The following UNC5C variants were observed in gnomAD, a reference collection of about 807,000 sequenced individuals.
UNC5C encodes the protein netrin receptor UNC5C.
A neutral mutation model predicts 99.8 loss-of-function variants in UNC5C; 47 were observed. That is an observed-to-expected ratio of 0.47 (90% CI 0.37 to 0.60). The LOEUF is 0.60. Among genes scored for constraint, UNC5C ranks in the 20% least tolerant of loss-of-function variants. The pLI, the probability that UNC5C is intolerant of heterozygous loss-of-function variation, is 0.00. For missense variants in UNC5C, 1,062 were observed against 1,165.9 expected (o/e 0.91, Z 1.30); for synonymous variants, 487 against 452.2 (o/e 1.08, Z -0.98).
intron 4 of UNC5C, among the ~76,000 whole-genome samples, chr4:95,275,241 C>A (rs1740817248): frequency 6.6e-6 from 1 of 152,138 alleles, no homozygotes; most frequent in Non-Finnish European, 1.5e-5. Flanking sequence ...ACAGAAGCTT[C>A]CCCTCTGCAT....
chr4:95,244,485 G>A (rs1463055585), intron 6 of UNC5C, among the ~76,000 whole-genome samples: 1 of 152,186 alleles, frequency 6.6e-6, no homozygotes, highest in Non-Finnish European at 1.5e-5. Context: ...ATTATCCCAA[G>A]TACCAAAAAA....
At chr4:95,400,567 A>G (rs1745660503) in intron 1 of UNC5C, among the ~76,000 whole-genome samples, 1 of 151,582 alleles carries the variant, frequency 6.6e-6, no homozygotes, top group African/African-American at 2.4e-5. Flanking sequence ...TAATTTTTGT[A>G]TTTTTAGTAG....
chr4:95,207,697 A>T (rs975251320), intron 10 of UNC5C, among the ~76,000 whole-genome samples: 1 of 152,144 alleles, frequency 6.6e-6, no homozygotes, highest in African/African-American at 2.4e-5. Flanking sequence ...GACTCACAGA[A>T]TTTTAGAAGG....
chr4:95,196,185 T>G (rs1737373924), intron 12 of UNC5C, among the ~76,000 whole-genome samples: 1 of 152,186 alleles, frequency 6.6e-6, no homozygotes. Context: ...TTGCTCTTGG[T>G]TAATTTCTGG....
chr4:95,259,295 T>C (rs1740131934), intron 4 of UNC5C, among the ~76,000 whole-genome samples: 1 of 152,180 alleles, frequency 6.6e-6, no homozygotes, highest in Non-Finnish European at 1.5e-5. Flanking sequence ...ACACCTACTG[T>C]CTGGCATACA....
chr4:95,490,257 A>T (rs1381036043), intron 1 of UNC5C, among the ~76,000 whole-genome samples: 2 of 151,714 alleles, frequency 1.3e-5, no homozygotes, highest in Non-Finnish European at 2.9e-5. Context: ...GTCCTTAGAG[A>T]AATCACTGAA....
intron 4 of UNC5C, among the ~76,000 whole-genome samples, chr4:95,257,211 T>C (rs1579273429): frequency 6.6e-6 from 1 of 152,162 alleles, no homozygotes; most frequent in South Asian, 2.1e-4. Flanking sequence ...ACAACCAGCC[T>C]GGACAACATA....
In UNC5C at chr4:95,236,612, AAG is replaced by A. The variant is rs201327725; in HGVS notation, c.1108+5815_1108+5816del. Among the ~76,000 whole-genome samples, 381 of 131,564 alleles carry A rather than the reference AAG, an allele frequency of 2.9e-3. 2 individuals are homozygous for A. Among genetic ancestry groups the A allele is most frequent in the South Asian group, 7.8e-3 (28 of 3,612 alleles). 86.3% of individuals were successfully genotyped at this position (131,564 alleles called of 152,430 possible). On this transcript the variant is annotated intron_variant, in intron 7 of 15. Transcript: ENST00000453304. ...AAAAATAAATAAATAAAAGAAAAAA[AAG>A]AATAGAAAGCATATAGAAAAAGAAA...
intron 1 of UNC5C, among the ~76,000 whole-genome samples, chr4:95,480,948 C>T (rs1276699554): frequency 6.6e-6 from 1 of 150,786 alleles, no homozygotes; most frequent in Non-Finnish European, 1.5e-5. Context: ...AAAACTGGCA[C>T]AAGACAGGGA....
At chr4:95,335,355 A>T in intron 2 of UNC5C, 55 bp downstream of exon 2, 1 of 1,464,100 alleles carries the variant, frequency 6.8e-7, no homozygotes, top group Non-Finnish European at 9.5e-7. Context: ...TCCACATGCT[A>T]GAGTAGTGAG....
At chr4:95,437,116 T>C (rs552541138) in intron 1 of UNC5C, among the ~76,000 whole-genome samples, 1 of 151,780 alleles carries the variant, frequency 6.6e-6, no homozygotes, top group East Asian at 1.9e-4. Flanking sequence ...CAGAAACCAT[T>C]TGAAAGTCAG....
At chr4:95,390,952 C>T (rs1045184701) in intron 1 of UNC5C, among the ~76,000 whole-genome samples, 2 of 152,106 alleles carry the variant, frequency 1.3e-5, no homozygotes, top group African/African-American at 2.4e-5. Context: ...TCCCATAATC[C>T]CCACATGTTG....
At chr4:95,521,461 A>G (rs1722355836) in intron 1 of UNC5C, among the ~76,000 whole-genome samples, 1 of 151,634 alleles carries the variant, frequency 6.6e-6, no homozygotes, top group African/African-American at 2.4e-5. Flanking sequence ...CAGGTGATCC[A>G]CCTGGCTCGG....
chr4:95,201,392 C>T (rs142876982), intron 12 of UNC5C, among the ~76,000 whole-genome samples: 103 of 152,272 alleles, frequency 6.8e-4, no homozygotes, highest in South Asian at 2.1e-3. Context: ...CTCCATCACA[C>T]GTTCCTGCAT....
chr4:95,499,613 G>A (rs72876467), intron 1 of UNC5C, among the ~76,000 whole-genome samples: 3 of 151,886 alleles, frequency 2.0e-5, no homozygotes, highest in Non-Finnish European at 4.4e-5. Context: ...CTGATCTGGC[G>A]AGAGAAGTGA....
chr4:95,360,263 C>G (rs1266512061), intron 1 of UNC5C, among the ~76,000 whole-genome samples: 3 of 151,924 alleles, frequency 2.0e-5, no homozygotes, highest in Non-Finnish European at 4.4e-5. Flanking sequence ...TTTATTTAAC[C>G]AATATATTTA....
chr4:95,202,671 G>A (rs1398854561), intron 12 of UNC5C, 60 bp downstream of exon 12: 136 of 1,531,656 alleles, frequency 8.9e-5, no homozygotes, highest in South Asian at 2.8e-4. Flanking sequence ...GTGCACAGCC[G>A]TGCAAAACCT....
At chr4:95,354,410 G>T (rs947462113) in intron 1 of UNC5C, among the ~76,000 whole-genome samples, 1 of 148,080 alleles carries the variant, frequency 6.8e-6, no homozygotes, top group Admixed American at 6.7e-5. Context: ...CACACAACAC[G>T]CAGTTTCTAC....
chr4:95,185,348 CT>C, intron 12 of UNC5C, 152 bp from the exon 13 acceptor site: 3 of 801,308 alleles, frequency 3.7e-6, no homozygotes, highest in Non-Finnish European at 5.9e-6. Context: ...TCGAGACCCT[CT>C]AACTAAACTA....
Sources: allele counts gnomAD v4.1 joint callset (sites outside exome capture counted in the v4.1 genomes callset), GRCh38; gene constraint gnomAD v4.1.1; transcripts MANE v1.5; gene names NCBI Gene and HGNC (gene_info 2026-07-23, HGNC 2026-07-21).